CDH23: variants seen among roughly 807,000 people sequenced by gnomAD.
CDH23 encodes cadherin-23.
A neutral mutation model predicts 317.1 loss-of-function variants in CDH23; 189 were observed. The observed-to-expected ratio is 0.60, with a 90% CI of 0.53 to 0.67. The LOEUF is 0.67. Among genes scored for constraint, CDH23 ranks in the 30% least tolerant of loss-of-function variants. The pLI is 0.00. For missense variants in CDH23, 4,401 were observed against 4,592.4 expected (o/e 0.96, Z 1.20); for synonymous variants, 1,839 against 1,876.8 (o/e 0.98, Z 0.52).
chr10:71,447,209 G>C (rs1400738217), intron 3 of CDH23, among the ~76,000 whole-genome samples: 1 of 152,218 alleles, frequency 6.6e-6, no homozygotes, highest in African/African-American at 2.4e-5. Flanking sequence ...TCAGCATGGT[G>C]CATCTTTAGG....
rs181286132 is a variant in CDH23 at position 71,647,335 on chromosome 10, C to T, written c.1449+718C>T. 7.7e-3 allele frequency among the ~76,000 whole-genome samples: 1,177 copies of T among 152,092 alleles called. 12 individuals carry two copies. Among genetic ancestry groups the T allele is most frequent in the African/African-American group, 0.027 (1,115 of 41,500 alleles). ...AAAATTAGCCGGGTGTGGTGGCACA[C>T]GCCTGTAGTCCCAGCTACTAGGGAG... On this transcript the variant is annotated intron_variant, in intron 14 of 69. Transcript: ENST00000224721.
At chr10:71,592,511 T>C (rs1201924525) in intron 9 of CDH23, among the ~76,000 whole-genome samples, 14 of 152,172 alleles carry the variant, frequency 9.2e-5, no homozygotes, top group Non-Finnish European at 1.9e-4. Flanking sequence ...CCACCTCTTC[T>C]GGTGGCTGCC....
chr10:71,589,817 A>G (rs1191264505), intron 9 of CDH23, among the ~76,000 whole-genome samples: 1 of 152,252 alleles, frequency 6.6e-6, no homozygotes, highest in South Asian at 2.1e-4. Context: ...GGGAGTAATA[A>G]TGACATCATA....
intron 1 of CDH23, among the ~76,000 whole-genome samples, chr10:71,422,130 C>T (rs574503119): frequency 2.7e-4 from 39 of 145,986 alleles, no homozygotes; most frequent in African/African-American, 8.3e-4. Context: ...GAATCAGACA[C>T]ATGGCAGACA....
At chr10:71,689,356 G>T (rs1865099431) in intron 19 of CDH23, among the ~76,000 whole-genome samples, 1 of 152,070 alleles carries the variant, frequency 6.6e-6, no homozygotes, top group South Asian at 2.1e-4. Flanking sequence ...TACCCTGCCT[G>T]TCCTAGTCAG....
intron 3 of CDH23, among the ~76,000 whole-genome samples, chr10:71,493,772 C>T (rs1852798237): frequency 6.6e-6 from 1 of 152,208 alleles, no homozygotes; most frequent in Non-Finnish European, 1.5e-5. Flanking sequence ...TTTCACAGAG[C>T]ACCCGTTAGC....
chr10:71,586,167 G>A (rs1265853880), intron 9 of CDH23, among the ~76,000 whole-genome samples: 1 of 152,222 alleles, frequency 6.6e-6, no homozygotes, highest in Admixed American at 6.5e-5. Context: ...CAGAGCCATG[G>A]CTGAGGCAGC....
At chr10:71,624,626 G>A (rs933212299) in intron 11 of CDH23, among the ~76,000 whole-genome samples, 4 of 152,162 alleles carry the variant, frequency 2.6e-5, no homozygotes, top group African/African-American at 4.8e-5. Flanking sequence ...CTTCAGCCCA[G>A]GAGGTTGAGG....
In CDH23 at chr10:71,600,200, C is replaced by T. The variant is rs918434424; in HGVS notation, c.833-15304C>T. On this transcript the variant is annotated intron_variant, in intron 9 of 69. Coordinates refer to ENST00000224721, the MANE Select transcript of CDH23 (RefSeq NM_022124.6). ...TACTTTTAGTAGAGACAGGGTTTTA[C>T]CATGTTGGCCAGGCTGGTCTCAAAC... Among the ~76,000 whole-genome samples the T allele has an allele frequency of 3.3e-5, 5 of 152,044 alleles. No homozygotes were observed. In the South Asian group the frequency reaches 1.0e-3, roughly 32 times the overall value.
intron 47 of CDH23, among the ~76,000 whole-genome samples, chr10:71,792,843 AAAAAAAAAAATAT>A (rs1452687611): frequency 1.3e-5 from 1 of 78,338 alleles, no homozygotes; most frequent in East Asian, 4.7e-4. Flanking sequence ...AAAAAAAAAA[AAAAAAAAAAATAT>A]ATATATATAT....
chr10:71,569,532 A>G (rs771667176), intron 7 of CDH23, among the ~76,000 whole-genome samples: 2 of 152,248 alleles, frequency 1.3e-5, no homozygotes, highest in South Asian at 4.1e-4. Context: ...AGGGGGAAAA[A>G]GAACTCATTT....
At chr10:71,608,558 T>C (rs1353928278) in intron 9 of CDH23, among the ~76,000 whole-genome samples, 2 of 152,204 alleles carry the variant, frequency 1.3e-5, no homozygotes, top group Non-Finnish European at 2.9e-5. Context: ...TGGTTGACCC[T>C]TTGGAATTGC....
chr10:71,525,447 G>A (rs1639053319), intron 6 of CDH23, among the ~76,000 whole-genome samples: 1 of 152,226 alleles, frequency 6.6e-6, no homozygotes, highest in Non-Finnish European at 1.5e-5. Context: ...CAGGAGGATG[G>A]AAGCAGGTTG....
intron 9 of CDH23, among the ~76,000 whole-genome samples, chr10:71,597,215 G>A (rs1217128809): frequency 6.6e-6 from 1 of 152,040 alleles, no homozygotes; most frequent in Non-Finnish European, 1.5e-5. Context: ...CGGGAGGGTG[G>A]GGAGCAGAGC....
chr10:71,520,942 A>C (rs10823774), intron 6 of CDH23, among the ~76,000 whole-genome samples: 109,521 of 151,958 alleles, frequency 0.72, 40,327 homozygotes, highest in African/African-American at 0.86. Context: ...AACGAGACAG[A>C]GCGAGCTTTG....
intron 1 of CDH23, among the ~76,000 whole-genome samples, chr10:71,415,137 G>T (rs1036118395): frequency 6.6e-6 from 1 of 151,664 alleles, no homozygotes; most frequent in Non-Finnish European, 1.5e-5. Flanking sequence ...TTTAGATAGG[G>T]TCTCACTCTA....
At chr10:71,483,716 T>C (rs1000474416) in intron 3 of CDH23, among the ~76,000 whole-genome samples, 3 of 152,208 alleles carry the variant, frequency 2.0e-5, no homozygotes, top group Non-Finnish European at 4.4e-5. Flanking sequence ...TAGTGGCCTG[T>C]GTGGTGGATG....
chr10:71,496,957 G>A (rs866259566), intron 3 of CDH23, among the ~76,000 whole-genome samples: 8 of 152,130 alleles, frequency 5.3e-5, no homozygotes, highest in Non-Finnish European at 7.3e-5. Flanking sequence ...TGGCAGCCTC[G>A]TAGTGGAGAG....
rs139046346 is a variant in CDH23 at position 71,784,262 on chromosome 10, T to G, written c.5369-25T>G. On this transcript the variant is annotated intron_variant, in intron 41 of 69. Transcript: ENST00000224721. ...CAGTTCCTGCCAATGCCCGACTAAC[T>G]TGGGCCTCTCCTGGTGACACCCAGG... 8.9e-5 allele frequency: 143 copies of G among 1,606,182 alleles called. No individual in the cohort carries two copies. The East Asian group carries it at 3.2e-3, about 36-fold the overall frequency.
Sources: gnomAD v4.1 joint callset for allele counts (sites outside exome capture counted in the v4.1 genomes callset) on GRCh38, gnomAD v4.1.1 for gene constraint, MANE v1.5 for transcripts, NCBI Gene and HGNC (gene_info 2026-07-23, HGNC 2026-07-21) for gene names.